The following AKAP13 variants were observed in gnomAD, a reference collection of about 807,000 sequenced individuals.
AKAP13 encodes the protein A-kinase anchor protein 13.
Under a neutral mutation model 264.5 loss-of-function variants are expected in AKAP13, and 80 were observed. The observed-to-expected ratio is 0.30, with a 90% confidence interval of 0.25 to 0.36. The LOEUF (loss-of-function observed/expected upper bound fraction) is 0.36. AKAP13 is among the 10% of genes least tolerant of loss of function. AKAP13 has a pLI of 1.00. For missense variants in AKAP13, 3,712 were observed against 3,435.2 expected (o/e 1.08, Z -2.01); for synonymous variants, 1,380 against 1,250.2 (o/e 1.10, Z -2.19).
In AKAP13 at chr15:85,575,187, G is replaced by A. The variant is rs370539404; in HGVS notation, c.719G>A (p.Gly240Glu). 9.9e-6 allele frequency: 16 copies of A among 1,614,008 alleles called. No homozygotes were observed. The Middle Eastern group carries it at 6.6e-4, about 66-fold the overall frequency. ...AGTTTATCCTATGAAATACCGTATG[G>A]AGACTGTTCTGTGAGGCATCATCGA... ...WSSLSYEIPY[G>E]DCSVRHHREL... is the part of the protein sequence containing the mutation. The change falls in exon 6 of 37, where the codon GGA becomes GAA. Residue 240 changes from glycine to glutamate, a missense_variant. Physicochemically the swap from Gly to Glu is moderately conservative, Grantham distance 98. Around this residue, in one of 3 missense-constraint regions of AKAP13, gnomAD observed 2,759 missense variants for 2,411.7 expected, o/e 1.14. Transcript: ENST00000394518.
chr15:85,633,522 T>A (rs1002185319), intron 8 of AKAP13, among the ~76,000 whole-genome samples: 1 of 147,784 alleles, frequency 6.8e-6, no homozygotes, highest in Non-Finnish European at 1.5e-5. Flanking sequence ...ATTCTCTGAA[T>A]GACTTTTTTT....
At position 85,643,020 on chromosome 15, in the gene AKAP13, G is replaced by GA. The variant is rs779911782; in HGVS notation, c.4238-2786dup. 9.7e-3 allele frequency among the ~76,000 whole-genome samples: 1,103 copies of GA among 113,762 alleles called. 14 individuals are homozygous for GA. The highest frequency in any genetic ancestry group is 0.031 in the African/African-American group (844 of 27,650). The allele number at this position is 113,762 out of a possible 152,430, so 74.6% of individuals were successfully genotyped here. ...GGTTACTACATACTCTAGGAAACGT[G>GA]AAAAAAAAAAAACCTCCAGAATACC... On this transcript the variant is annotated intron_variant, in intron 9 of 36. Coordinates refer to ENST00000394518, the MANE Select transcript of AKAP13 (RefSeq NM_007200.5).
chr15:85,450,752 G>A (rs1213410165), intron 1 of AKAP13, among the ~76,000 whole-genome samples: 1 of 152,180 alleles, frequency 6.6e-6, no homozygotes, highest in East Asian at 1.9e-4. Context: ...TTTTACTTTT[G>A]TGAGGATTGT....
chr15:85,701,434 G>C (rs72748184), intron 17 of AKAP13, among the ~76,000 whole-genome samples: 2 of 151,696 alleles, frequency 1.3e-5, no homozygotes, highest in Non-Finnish European at 2.9e-5. Context: ...TATTTGAGGG[G>C]TTTTTTTTGT....
chr15:85,694,645 A>G (rs1174136642), intron 17 of AKAP13, among the ~76,000 whole-genome samples: 1 of 152,254 alleles, frequency 6.6e-6, no homozygotes, highest in Non-Finnish European at 1.5e-5. Flanking sequence ...AAGGCAGTGC[A>G]TCTCAAAATT....
At chr15:85,438,852 A>C (rs1251829341) in intron 1 of AKAP13, among the ~76,000 whole-genome samples, 3 of 150,782 alleles carry the variant, frequency 2.0e-5, no homozygotes, top group Non-Finnish European at 4.4e-5. Flanking sequence ...TTAGACCTAA[A>C]ACCATAAAAA....
chr15:85,381,613 G>A (rs1190352220), intron 1 of AKAP13: 18 of 129,334 alleles, frequency 1.4e-4, no homozygotes, highest in Non-Finnish European at 2.3e-4. Flanking sequence ...AATCAAGAAA[G>A]GGGGTAGATA....
chr15:85,458,496 C>T lies in AKAP13; in HGVS notation c.-11-27214C>T, dbSNP rs531498094. On this transcript the variant is annotated intron_variant, in intron 1 of 36. Coordinates refer to ENST00000394518, the MANE Select transcript of AKAP13 (RefSeq NM_007200.5). ...TTTGTACATGCTATTAAGTTCCTCT[C>T]ATAGCTCTAATTTATATATTAAAAT... is the stretch of plus-strand genomic sequence containing the variant. Among the ~76,000 whole-genome samples, 12 of 149,284 alleles carry T rather than the reference C, an allele frequency of 8.0e-5. No individual in the cohort carries two copies. In the South Asian group the frequency reaches 2.5e-3, roughly 31 times the overall value.
At chr15:85,606,657 G>A (rs906692920) in intron 8 of AKAP13, among the ~76,000 whole-genome samples, 5 of 152,168 alleles carry the variant, frequency 3.3e-5, no homozygotes, top group Non-Finnish European at 7.4e-5. Context: ...GAGGCATCAT[G>A]GGGGTGACTA....
At chr15:85,561,747 A>C (rs2078385508) in intron 5 of AKAP13, among the ~76,000 whole-genome samples, 1 of 152,192 alleles carries the variant, frequency 6.6e-6, no homozygotes, top group Non-Finnish European at 1.5e-5. Context: ...GTATTCCAGA[A>C]GTTATGGACT....
At chr15:85,389,456 G>T (rs541660979) in intron 1 of AKAP13, among the ~76,000 whole-genome samples, 1 of 152,174 alleles carries the variant, frequency 6.6e-6, no homozygotes, top group African/African-American at 2.4e-5. Context: ...TCTAAAGGAT[G>T]CTGCCTCATG....
At chr15:85,735,803 C>A (rs1043268869) in intron 32 of AKAP13, among the ~76,000 whole-genome samples, 173 bp downstream of exon 32, 3 of 152,188 alleles carry the variant, frequency 2.0e-5, no homozygotes, top group Non-Finnish European at 2.9e-5. Context: ...AAGAGCTCCA[C>A]ATTATTGGCT....
At chr15:85,607,509 G>A (rs765795546) in intron 8 of AKAP13, among the ~76,000 whole-genome samples, 2 of 151,892 alleles carry the variant, frequency 1.3e-5, no homozygotes, top group Non-Finnish European at 2.9e-5. Context: ...TTTTGTAGGT[G>A]AGAAACTGAG....
At chr15:85,630,783 G>C (rs907156382) in intron 8 of AKAP13, among the ~76,000 whole-genome samples, 9 of 152,068 alleles carry the variant, frequency 5.9e-5, no homozygotes, top group African/African-American at 2.2e-4. Context: ...CAATAAGAAA[G>C]ATAACAAAAA....
At chr15:85,513,008 C>T (rs564478798) in intron 2 of AKAP13, among the ~76,000 whole-genome samples, 1 of 152,286 alleles carries the variant, frequency 6.6e-6, no homozygotes, top group African/African-American at 2.4e-5. Context: ...AGGCACCCAC[C>T]ACCATGCCCG....
At chr15:85,628,367 T>A (rs1055137382) in intron 8 of AKAP13, among the ~76,000 whole-genome samples, 2 of 152,200 alleles carry the variant, frequency 1.3e-5, no homozygotes, top group African/African-American at 4.8e-5. Context: ...TGTCAGTGTG[T>A]AGCTGACAGC....
At chr15:85,404,438 C>T (rs1019298599) in intron 1 of AKAP13, among the ~76,000 whole-genome samples, 2 of 152,214 alleles carry the variant, frequency 1.3e-5, no homozygotes, top group African/African-American at 4.8e-5. Context: ...CATCATGTGC[C>T]TTTGCCCATT....
At chr15:85,701,468 C>T (rs2085907788) in intron 17 of AKAP13, among the ~76,000 whole-genome samples, 1 of 152,106 alleles carries the variant, frequency 6.6e-6, no homozygotes, top group Non-Finnish European at 1.5e-5. Context: ...GAGACGGCGT[C>T]TCACTCTGTC....
chr15:85,396,916 T>G (rs1210988462), intron 1 of AKAP13, among the ~76,000 whole-genome samples: 1 of 151,468 alleles, frequency 6.6e-6, no homozygotes, highest in Non-Finnish European at 1.5e-5. Flanking sequence ...TTTTTTTTTT[T>G]TTTTTTAAGA....
Sources: allele counts gnomAD v4.1 joint callset (sites outside exome capture counted in the v4.1 genomes callset), GRCh38; gene constraint gnomAD v4.1.1; regional missense constraint gnomAD v4.1.1; transcripts MANE v1.5; gene names NCBI Gene and HGNC (gene_info 2026-07-23, HGNC 2026-07-21).